The following GLIS3 variants were observed in gnomAD, a reference collection of about 807,000 sequenced individuals.
GLIS3 encodes the protein zinc finger protein GLIS3.
GLIS3 carries 53 observed loss-of-function variants against 78.6 expected under a neutral mutation model. The ratio of observed to expected loss-of-function variants is 0.67; its 90% CI spans 0.54 to 0.85. The LOEUF (loss-of-function observed/expected upper bound fraction) is 0.85, where lower values mean the gene tolerates loss of function less well. Ranked by LOEUF, GLIS3 falls within the 40% of genes least tolerant of loss-of-function variation. The pLI is 0.00. For synonymous variants in GLIS3, 684 were observed against 509.9 expected (o/e 1.34, Z -4.60); for missense variants, 1,703 against 1,231.1 (o/e 1.38, Z -5.74).
At chr9:4,314,957 G>A (rs1331924202) in intron 2 of GLIS3, among the ~76,000 whole-genome samples, 1 of 152,172 alleles carries the variant, frequency 6.6e-6, no homozygotes, top group African/African-American at 2.4e-5. Context: ...GGTGAAAATG[G>A]GAAGCCCCGA....
chr9:4,257,883 T>C (rs572711866), intron 2 of GLIS3, among the ~76,000 whole-genome samples: 1 of 152,288 alleles, frequency 6.6e-6, no homozygotes, highest in South Asian at 2.1e-4. Context: ...AACATGTATA[T>C]GTTTAATATG....
chr9:3,848,716 T>C (rs1180016872), intron 9 of GLIS3, among the ~76,000 whole-genome samples: 1 of 152,196 alleles, frequency 6.6e-6, no homozygotes, highest in Non-Finnish European at 1.5e-5. Flanking sequence ...TGCTCTGATA[T>C]TTCTACAGTT....
At chr9:4,115,335 C>T (rs1277216083) in intron 4 of GLIS3, among the ~76,000 whole-genome samples, 1 of 152,130 alleles carries the variant, frequency 6.6e-6, no homozygotes, top group Non-Finnish European at 1.5e-5. Context: ...CCAAAGGTCA[C>T]TTCGCATTTC....
rs1158368902 is a variant in GLIS3 at position 4,144,229 on chromosome 9, C to T, written c.389-18288G>A. Among the ~76,000 whole-genome samples the T allele has an allele frequency of 4.0e-5, 6 of 149,670 alleles. 1 individual carries two copies. Among genetic ancestry groups the T allele is most frequent in the Non-Finnish European group, 4.4e-5 (3 of 68,008 alleles). ...GTCCAAAGGAGGAAAGAATAGAGTC[C>T]GAAAGAGATCTGAAAAGAAGGCGGA... is the stretch of plus-strand genomic sequence containing the variant. On this transcript the variant is annotated intron_variant, in intron 2 of 10. Transcript: ENST00000381971.
chr9:4,030,113 T>C (rs1823699928), intron 4 of GLIS3, among the ~76,000 whole-genome samples: 1 of 152,218 alleles, frequency 6.6e-6, no homozygotes, highest in Non-Finnish European at 1.5e-5. Flanking sequence ...AATTTGTTAT[T>C]GCCTGTCTTT....
the GLIS3 span, among the ~76,000 whole-genome samples, chr9:4,470,256 A>G: frequency 9.2e-5 from 14 of 152,258 alleles, no homozygotes; most frequent in Non-Finnish European, 1.8e-4. Context: ...TCATTTTATG[A>G]GGCCAGCATC....
At chr9:4,471,712 T>TA in the GLIS3 span, among the ~76,000 whole-genome samples, 1 of 152,230 alleles carries the variant, frequency 6.6e-6, no homozygotes, top group East Asian at 1.9e-4. Flanking sequence ...ACTTCATGAC[T>TA]AAAACACCAA....
chr9:4,474,959 A>G, the GLIS3 span, among the ~76,000 whole-genome samples: 1 of 147,470 alleles, frequency 6.8e-6, no homozygotes, highest in Non-Finnish European at 1.5e-5. Context: ...ACTTAAAGGA[A>G]ACTTTTCATA....
intron 2 of GLIS3, among the ~76,000 whole-genome samples, chr9:4,240,065 G>A (rs909091162): frequency 6.6e-6 from 1 of 151,350 alleles, no homozygotes; most frequent in African/African-American, 2.4e-5. Context: ...TAAAATTATA[G>A]TATGTAAGTA....
the GLIS3 span, among the ~76,000 whole-genome samples, chr9:4,490,048 T>C: frequency 6.6e-6 from 1 of 152,170 alleles, no homozygotes; most frequent in Non-Finnish European, 1.5e-5. Flanking sequence ...CAGGATCAGC[T>C]TCCCCCGACT....
At chr9:3,837,531 G>A (rs1014616731) in intron 9 of GLIS3, among the ~76,000 whole-genome samples, 1 of 152,190 alleles carries the variant, frequency 6.6e-6, no homozygotes, top group Non-Finnish European at 1.5e-5. Context: ...ATTTCCTTCA[G>A]TAGGCAAACG....
chr9:4,394,057 C>T, the GLIS3 span, among the ~76,000 whole-genome samples: 1 of 151,428 alleles, frequency 6.6e-6, no homozygotes, highest in Non-Finnish European at 1.5e-5. Flanking sequence ...CATTAAAACC[C>T]AATCCCAGGA....
At chr9:4,315,486 C>T (rs904062901) in intron 2 of GLIS3, among the ~76,000 whole-genome samples, 1 of 152,188 alleles carries the variant, frequency 6.6e-6, no homozygotes, top group South Asian at 2.1e-4. Context: ...AAATGAACCT[C>T]TATTTTTTAA....
intron 2 of GLIS3, among the ~76,000 whole-genome samples, chr9:4,316,136 C>A (rs1817433561): frequency 6.6e-6 from 1 of 152,204 alleles, no homozygotes; most frequent in Non-Finnish European, 1.5e-5. Context: ...CCTAATGCCA[C>A]TGTCAGTCTA....
chr9:4,181,302 C>T (rs765555892), intron 2 of GLIS3, among the ~76,000 whole-genome samples: 14 of 152,208 alleles, frequency 9.2e-5, no homozygotes, highest in Non-Finnish European at 1.6e-4. Flanking sequence ...TCTGGTCTTC[C>T]GTCGTTCACA....
intron 4 of GLIS3, among the ~76,000 whole-genome samples, chr9:4,093,524 G>C (rs766855095): frequency 6.6e-6 from 1 of 152,170 alleles, no homozygotes. Context: ...CAGGGTGCTG[G>C]CCCTAAATCC....
In GLIS3 at chr9:4,118,961, C is replaced by T; in HGVS notation, c.597-80G>A. On this transcript the variant is annotated intron_variant, in intron 3 of 10. Transcript: ENST00000381971. The surrounding 1 kb of genome is among the most constrained non-coding windows in gnomAD (Gnocchi z 4.7). ...ACGGATTGCTTAAGAGCTAAAAGAA[C>T]ACTGCATTGACAATCCCTTAAGTAT... 1 of 1,399,318 alleles carries T rather than the reference C, an allele frequency of 7.1e-7. No homozygotes were observed. The highest frequency in any genetic ancestry group is 9.8e-7 in the Non-Finnish European group (1 of 1,019,268). The allele number at this position is 1,399,318 out of a possible 1,614,324, so 86.7% of individuals were successfully genotyped here.
chr9:4,144,041 T>C (rs1327587520), intron 2 of GLIS3, among the ~76,000 whole-genome samples: 1 of 152,180 alleles, frequency 6.6e-6, no homozygotes, highest in Non-Finnish European at 1.5e-5. Context: ...CTTTCAAAAA[T>C]GTGTCAGCAT....
chr9:4,229,322 G>A (rs1822053079), intron 2 of GLIS3, among the ~76,000 whole-genome samples: 1 of 152,174 alleles, frequency 6.6e-6, no homozygotes, highest in African/African-American at 2.4e-5. Flanking sequence ...TTGTTTTAAA[G>A]ATAAATACTA....
Sources: gnomAD v4.1 joint callset for allele counts (sites outside exome capture counted in the v4.1 genomes callset) on GRCh38, gnomAD v4.1.1 for gene constraint, Gnocchi (gnomAD v3.1) non-coding constraint, MANE v1.5 for transcripts, NCBI Gene and HGNC (gene_info 2026-07-23, HGNC 2026-07-21) for gene names.